The following EML6 variants were observed in gnomAD, a reference collection of about 807,000 sequenced individuals.
EML6 encodes the protein echinoderm microtubule-associated protein-like 6.
A neutral mutation model predicts 240.1 loss-of-function variants in EML6; 154 were observed. The ratio of observed to expected loss-of-function variants is 0.64; its 90% CI spans 0.56 to 0.73. The LOEUF is 0.73. EML6 is among the 30% of genes least tolerant of loss of function. The pLI, the probability that EML6 is intolerant of heterozygous loss-of-function variation, is 0.00. For synonymous variants in EML6, 1,148 were observed against 899.0 expected (o/e 1.28, Z -4.95); for missense variants, 2,964 against 2,474.6 (o/e 1.20, Z -4.20).
rs1248142770 is a variant in EML6, at chr2:54,844,097, A to T, written c.898A>T (p.Thr300Ser). ...GAAAGCAGACCGCCTTCTAGCAGGG[A>T]CCCAGGACAGTGAGATATTTGAAGT... ...CWKADRLLAG[T>S]QDSEIFEVIV... The change falls in exon 8 of 42, where the codon ACC becomes TCC. Residue 300 changes from threonine (T) to serine (S), a missense_variant. By Grantham distance (58) the Thr-to-Ser change is moderately conservative. Transcript: ENST00000356458. 2 of 1,551,122 alleles carry T rather than the reference A, an allele frequency of 1.3e-6. No individual in the cohort carries two copies. The highest frequency in any genetic ancestry group is 2.7e-5 in the African/African-American group (2 of 72,878).
intron 26 of EML6, among the ~76,000 whole-genome samples, chr2:54,917,727 C>G (rs929356733): frequency 6.6e-6 from 1 of 152,170 alleles, no homozygotes; most frequent in African/African-American, 2.4e-5. Context: ...CTCTAACAGC[C>G]GTCATCTGTA....
At chr2:54,898,598 T>A (rs1458219261) in intron 21 of EML6, among the ~76,000 whole-genome samples, 1 of 152,240 alleles carries the variant, frequency 6.6e-6, no homozygotes, top group Non-Finnish European at 1.5e-5. Context: ...TTACATCTTC[T>A]GCCAAATTAC....
rs1469205939 is a variant in EML6 at position 54,899,725 on chromosome 2, C to A, written c.3067C>A (p.Arg1023Ser). The A allele has an allele frequency of 6.4e-7, 1 of 1,552,050 alleles. No individual in the cohort carries two copies. Among genetic ancestry groups the A allele is most frequent in the Admixed American group, 2.0e-5 (1 of 51,002 alleles). Reference sequence around the variant, plus strand: ...AACAGTGAGCGATGATAAAACACTTCGCATCTGGGAACTATCTGCCCAGCA... The same window carrying A: ...AACAGTGAGCGATGATAAAACACTTAGCATCTGGGAACTATCTGCCCAGCA... ...CATVSDDKTL[R>S]IWELSAQHRM... Residue 1023 changes from arginine (R) to serine (S), a missense_variant, in exon 22 of 42, where the codon CGC becomes AGC. By Grantham distance (110) the Arg-to-Ser change is moderately radical. Coordinates refer to ENST00000356458, the MANE Select transcript of EML6 (RefSeq NM_001039753.4).
intron 10 of EML6, 60 bp from the exon 11 acceptor site, chr2:54,853,583 A>G: frequency 1.8e-6 from 2 of 1,082,244 alleles, no homozygotes; most frequent in African/African-American, 1.6e-5. Flanking sequence ...AGATCTTTAT[A>G]AAAAATAAAT....
intron 7 of EML6, among the ~76,000 whole-genome samples, chr2:54,832,210 C>A (rs1280336589): frequency 6.6e-6 from 1 of 152,216 alleles, no homozygotes; most frequent in Non-Finnish European, 1.5e-5. Context: ...AAGTCTGGCC[C>A]ACCCATTGCT....
In EML6 at chr2:54,767,883, A is replaced by G. The variant is rs528843394; in HGVS notation, c.197+42625A>G. ...GCGATCTGCCTGCCTCTGCCTCCCAAAGTGCTGGGGTTACAGGCGTGAGTC... is the reference window on the plus strand; with the variant it reads ...GCGATCTGCCTGCCTCTGCCTCCCAGAGTGCTGGGGTTACAGGCGTGAGTC... On this transcript the variant is annotated intron_variant, in intron 2 of 41. Coordinates refer to ENST00000356458, the MANE Select transcript of EML6 (RefSeq NM_001039753.4). Among the ~76,000 whole-genome samples the G allele has an allele frequency of 3.3e-5, 5 of 152,110 alleles. 1 individual carries two copies. In the South Asian group the frequency reaches 1.0e-3, roughly 32 times the overall value.
chr2:54,818,490 C>G (rs1245899191), intron 4 of EML6, among the ~76,000 whole-genome samples: 1 of 152,232 alleles, frequency 6.6e-6, no homozygotes, highest in African/African-American at 2.4e-5. Context: ...GAAAGCTGTT[C>G]CTGTACCTCA....
intron 7 of EML6, among the ~76,000 whole-genome samples, chr2:54,839,468 T>G (rs1333129216): frequency 6.6e-6 from 1 of 152,216 alleles, no homozygotes; most frequent in Non-Finnish European, 1.5e-5. Context: ...AACTGAGTAC[T>G]TAGGGAGAGA....
intron 7 of EML6, 46 bp from the exon 8 acceptor site, chr2:54,844,001 T>TGTGTGA (rs1166446124): frequency 1.5e-5 from 18 of 1,200,120 alleles, no homozygotes; most frequent in East Asian, 7.6e-5. Flanking sequence ...TGTGTGTGTG[T>TGTGTGA]GTGAATAGTG....
chr2:54,861,671 C>T (rs552904876), intron 12 of EML6, among the ~76,000 whole-genome samples: 2 of 152,124 alleles, frequency 1.3e-5, no homozygotes, highest in South Asian at 2.1e-4. Flanking sequence ...TCTGGACAAA[C>T]ACAGATTTGA....
chr2:54,792,084 G>A lies in EML6; in HGVS notation c.198-21148G>A, dbSNP rs142838655. Among the ~76,000 whole-genome samples, 1,038 of 152,288 alleles carry A rather than the reference G, an allele frequency of 6.8e-3. 12 individuals carry two copies. Among genetic ancestry groups the A allele is most frequent in the African/African-American group, 0.023 (970 of 41,558 alleles). ...TCTGGTTTTCTTCAGTTTTTTAAAA[G>A]TTCAGAAATGTGATTTGTAGAAGGA... is the stretch of plus-strand genomic sequence containing the variant. On this transcript the variant is annotated intron_variant, in intron 2 of 41. Coordinates refer to ENST00000356458, the MANE Select transcript of EML6 (RefSeq NM_001039753.4).
At chr2:54,895,428 A>C (rs1486536519) in intron 21 of EML6, 28 bp downstream of exon 21, 3 of 1,550,614 alleles carry the variant, frequency 1.9e-6, no homozygotes, top group Non-Finnish European at 2.6e-6. Context: ...TCTAAACTGC[A>C]GTTCACATCA....
At chr2:54,737,744 G>A (rs1572839955) in intron 2 of EML6, among the ~76,000 whole-genome samples, 1 of 152,136 alleles carries the variant, frequency 6.6e-6, no homozygotes, top group African/African-American at 2.4e-5. Context: ...AAGGTTGTGC[G>A]GTTGAACAGG....
intron 2 of EML6, among the ~76,000 whole-genome samples, chr2:54,789,309 C>G (rs533776917): frequency 3.6e-4 from 55 of 151,800 alleles, no homozygotes; most frequent in East Asian, 2.3e-3. Flanking sequence ...GTCAGGAGAT[C>G]GAGACCATCC....
At chr2:54,797,163 T>TAAAAA (rs1669832391) in intron 2 of EML6, among the ~76,000 whole-genome samples, 1 of 19,720 alleles carries the variant, frequency 5.1e-5, no homozygotes, top group Non-Finnish European at 8.7e-5. Flanking sequence ...AGACTCCATC[T>TAAAAA]CAAAAAAAAA....
In EML6 at chr2:54,962,409, C is replaced by T. The variant is rs554549650; in HGVS notation, c.4969-114C>T. ...CTCCCCTGTCCACCACCCCCATTCA[C>T]CGGCAGTCATCATTCTACTTTCTGT... On this transcript the variant is annotated intron_variant, in intron 35 of 41. Coordinates refer to ENST00000356458, the MANE Select transcript of EML6 (RefSeq NM_001039753.4). 5 of 821,482 alleles carry T rather than the reference C, an allele frequency of 6.1e-6. No individual in the cohort carries two copies. In the East Asian group the frequency reaches 8.8e-5, roughly 15 times the overall value. The allele number at this position is 821,482 out of a possible 1,614,324, so 50.9% of individuals were successfully genotyped here.
chr2:54,755,868 C>T (rs1667697312), intron 2 of EML6, among the ~76,000 whole-genome samples: 1 of 151,930 alleles, frequency 6.6e-6, no homozygotes. Context: ...TCATGTTGCC[C>T]AGGGTGGTTC....
chr2:54,770,592 C>A (rs1233707687), intron 2 of EML6, among the ~76,000 whole-genome samples: 2 of 152,206 alleles, frequency 1.3e-5, no homozygotes, highest in African/African-American at 4.8e-5. Flanking sequence ...TTCCACTTCT[C>A]ACTTCCTAGT....
chr2:54,840,936 T>C (rs756742581), intron 7 of EML6, among the ~76,000 whole-genome samples: 1 of 152,240 alleles, frequency 6.6e-6, no homozygotes, highest in Non-Finnish European at 1.5e-5. Context: ...CTTTGTGTAA[T>C]AAAAGTAGAT....
Sources: gnomAD v4.1 joint callset for allele counts (sites outside exome capture counted in the v4.1 genomes callset) on GRCh38, gnomAD v4.1.1 for gene constraint, MANE v1.5 for transcripts, NCBI Gene and HGNC (gene_info 2026-07-23, HGNC 2026-07-21) for gene names.